Variants in CDH18 observed in about 807,000 individuals in gnomAD.
CDH18 encodes the protein cadherin-18.
Under a neutral mutation model 67.9 loss-of-function variants are expected in CDH18, and 31 were observed. The observed-to-expected ratio is 0.46, with a 90% confidence interval of 0.34 to 0.62. CDH18 has a LOEUF of 0.62. Among genes scored for constraint, CDH18 ranks in the 20% least tolerant of loss-of-function variants. The pLI is 0.01. For missense variants in CDH18, 890 were observed against 975.5 expected, an observed-to-expected ratio of 0.91 and a Z score of 1.17; for synonymous variants, 362 against 347.2, an observed-to-expected ratio of 1.04 and a Z score of -0.48.
At chr5:19,843,438 T>C (rs1207973354) in intron 2 of CDH18, among the ~76,000 whole-genome samples, 1 of 152,086 alleles carries the variant, frequency 6.6e-6, no homozygotes, top group African/African-American at 2.4e-5. Context: ...AGAATTGAGG[T>C]TTGGGAAACT....
At chr5:20,034,794 TTCTC>T (rs1247525555) in intron 2 of CDH18, among the ~76,000 whole-genome samples, 1 of 152,014 alleles carries the variant, frequency 6.6e-6, no homozygotes, top group Admixed American at 6.6e-5. Flanking sequence ...ATCTCTCTCT[TTCTC>T]TCTTTCCATA....
At chr5:20,064,870 A>G (rs930686761) in intron 2 of CDH18, among the ~76,000 whole-genome samples, 2 of 152,094 alleles carry the variant, frequency 1.3e-5, no homozygotes, top group Non-Finnish European at 2.9e-5. Context: ...AATTCTCTAC[A>G]AAGTACAGGA....
chr5:19,625,304 GTTT>G (rs1751364420), intron 5 of CDH18, among the ~76,000 whole-genome samples: 1 of 151,198 alleles, frequency 6.6e-6, no homozygotes, highest in Non-Finnish European at 1.5e-5. Context: ...TTTAATTCTT[GTTT>G]TTGACAAATT....
chr5:20,533,081 A>G (rs563172993), intron 1 of CDH18, among the ~76,000 whole-genome samples: 2 of 152,190 alleles, frequency 1.3e-5, no homozygotes, highest in South Asian at 4.1e-4. Flanking sequence ...GTCAATCAAT[A>G]GAGAGAAAAT....
intron 1 of CDH18, among the ~76,000 whole-genome samples, chr5:20,569,398 G>A (rs141440022): frequency 0.017 from 2,642 of 152,150 alleles, 84 homozygotes; most frequent in African/African-American, 0.06. Flanking sequence ...CACGGCGGGC[G>A]GATCATGAGG....
At chr5:19,841,570 T>C (rs934710502) in intron 2 of CDH18, among the ~76,000 whole-genome samples, 1 of 119,010 alleles carries the variant, frequency 8.4e-6, no homozygotes, top group Non-Finnish European at 1.9e-5. Context: ...ATCATGAATT[T>C]CAAAAAAAAA....
chr5:20,389,360 G>C (rs1744614978), intron 1 of CDH18, among the ~76,000 whole-genome samples: 1 of 152,048 alleles, frequency 6.6e-6, no homozygotes, highest in Admixed American at 6.6e-5. Context: ...TTTTTTCAGA[G>C]ACTAGTATTG....
At chr5:20,295,941 G>A (rs1422765304) in intron 1 of CDH18, among the ~76,000 whole-genome samples, 6 of 137,234 alleles carry the variant, frequency 4.4e-5, no homozygotes, top group Non-Finnish European at 7.6e-5. Flanking sequence ...GCGCAATCTC[G>A]GCTCACTGCA....
intron 2 of CDH18, among the ~76,000 whole-genome samples, chr5:20,029,935 A>G (rs1436612950): frequency 6.6e-6 from 1 of 152,176 alleles, no homozygotes; most frequent in Non-Finnish European, 1.5e-5. Flanking sequence ...ATCTATTCCT[A>G]AGTTTATTCT....
chr5:20,561,498 A>G (rs1169893802), intron 1 of CDH18, among the ~76,000 whole-genome samples: 1 of 152,050 alleles, frequency 6.6e-6, no homozygotes, highest in Non-Finnish European at 1.5e-5. Flanking sequence ...AAAGAAACCA[A>G]TCTGACAAGG....
chr5:19,693,382 T>C (rs1246049335), intron 5 of CDH18, among the ~76,000 whole-genome samples: 2 of 152,188 alleles, frequency 1.3e-5, no homozygotes, highest in African/African-American at 2.4e-5. Flanking sequence ...GTTTAAAAAA[T>C]TCAATTATTA....
intron 5 of CDH18, among the ~76,000 whole-genome samples, chr5:19,664,766 T>C (rs891915330): frequency 2.6e-5 from 4 of 152,094 alleles, no homozygotes; most frequent in Middle Eastern, 3.4e-3. Flanking sequence ...AATCAGTTGT[T>C]ATTCAAAATA....
At chr5:20,499,455 CACAGAT>C (rs1754113228) in intron 1 of CDH18, among the ~76,000 whole-genome samples, 1 of 151,932 alleles carries the variant, frequency 6.6e-6, no homozygotes, top group South Asian at 2.1e-4. Flanking sequence ...ATCCATAACC[CACAGAT>C]ACAGAGGGCT....
At chr5:19,510,946 G>A (rs1173707249) in intron 10 of CDH18, among the ~76,000 whole-genome samples, 1 of 152,074 alleles carries the variant, frequency 6.6e-6, no homozygotes, top group East Asian at 1.9e-4. Context: ...CGAGTAGCTG[G>A]GATTACAAGC....
At chr5:20,160,702 T>A (rs1490558202) in intron 2 of CDH18, among the ~76,000 whole-genome samples, 1 of 152,190 alleles carries the variant, frequency 6.6e-6, no homozygotes, top group Non-Finnish European at 1.5e-5. Flanking sequence ...ACTAATGACC[T>A]AAGATGTAAT....
intron 1 of CDH18, among the ~76,000 whole-genome samples, chr5:20,330,660 T>C (rs1052318055): frequency 6.6e-6 from 1 of 152,184 alleles, no homozygotes; most frequent in Non-Finnish European, 1.5e-5. Context: ...ACACTGCGCA[T>C]GTGGCCCCTT....
intron 3 of CDH18, among the ~76,000 whole-genome samples, chr5:19,756,701 A>T (rs1771651009): frequency 2.0e-5 from 3 of 152,224 alleles, no homozygotes; most frequent in Admixed American, 6.5e-5. Flanking sequence ...TGGCAGTCTT[A>T]ACTTATAGTT....
chr5:20,176,265 T>C (rs977522360), intron 2 of CDH18, among the ~76,000 whole-genome samples: 3 of 152,202 alleles, frequency 2.0e-5, no homozygotes, highest in African/African-American at 7.2e-5. Context: ...AGGATGTACC[T>C]GCAATAAGGA....
intron 4 of CDH18, among the ~76,000 whole-genome samples, chr5:19,737,201 T>C (rs761383195): frequency 4.2e-4 from 64 of 152,190 alleles, no homozygotes; most frequent in South Asian, 6.2e-4. Flanking sequence ...CCATTGTGCA[T>C]TCACTCTCTA....
Sources: gnomAD v4.1 joint callset for allele counts (sites outside exome capture counted in the v4.1 genomes callset) on GRCh38, gnomAD v4.1.1 for gene constraint, MANE v1.5 for transcripts, NCBI Gene and HGNC (gene_info 2026-07-23, HGNC 2026-07-21) for gene names.